Variants in PTPN13 observed in about 807,000 individuals in gnomAD.
The protein encoded by PTPN13 is protein tyrosine phosphatase non-receptor type 13, also known as tyrosine-protein phosphatase non-receptor type 13.
In PTPN13, 191 loss-of-function variants were observed where a neutral mutation model predicts 284.0. The observed-to-expected ratio is 0.67, with a 90% CI of 0.60 to 0.76. The LOEUF (loss-of-function observed/expected upper bound fraction) is 0.76. Ranked by LOEUF, PTPN13 falls within the 30% of genes least tolerant of loss-of-function variation. The probability of loss-of-function intolerance (pLI) is 0.00; values close to 1 mark genes in which losing one functional copy is unlikely to be tolerated. For missense variants in PTPN13, 2,797 were observed against 2,939.9 expected, an observed-to-expected ratio of 0.95 and a Z score of 1.12; for synonymous variants, 986 against 1,022.3, an observed-to-expected ratio of 0.96 and a Z score of 0.68.
At chr4:86,595,580 C>A in intron 1 of PTPN13, 1 of 165,340 alleles carries the variant, frequency 6.0e-6, no homozygotes, top group Non-Finnish European at 1.3e-5. Context: ...CGTATATGAT[C>A]GACACCACCG....
chr4:86,652,540 G>A (rs1034704022), intron 2 of PTPN13, among the ~76,000 whole-genome samples: 3 of 152,114 alleles, frequency 2.0e-5, no homozygotes, highest in Non-Finnish European at 4.4e-5. Context: ...AATATTCTAG[G>A]TTGGAACAGT....
At chr4:86,723,283 TGGTCACAGCAGGA>T (rs1259816895) in intron 10 of PTPN13, among the ~76,000 whole-genome samples, 1 of 152,214 alleles carries the variant, frequency 6.6e-6, no homozygotes, top group East Asian at 1.9e-4. Flanking sequence ...GTCCATGGCC[TGGTCACAGCAGGA>T]GGTGAGCAAG....
chr4:86,707,744 G>T (rs1050488222), intron 7 of PTPN13, among the ~76,000 whole-genome samples: 1 of 151,980 alleles, frequency 6.6e-6, no homozygotes, highest in African/African-American at 2.4e-5. Flanking sequence ...GTTACTCCGT[G>T]AGCTAAAATA....
At chr4:86,751,435 C>T (rs947592943) in intron 19 of PTPN13, among the ~76,000 whole-genome samples, 1 of 152,184 alleles carries the variant, frequency 6.6e-6, no homozygotes, top group Non-Finnish European at 1.5e-5. Flanking sequence ...GATCCCCCCA[C>T]CTCAGCCTCC....
At chr4:86,637,059 A>G (rs1723108328) in intron 2 of PTPN13, among the ~76,000 whole-genome samples, 1 of 152,210 alleles carries the variant, frequency 6.6e-6, no homozygotes, top group South Asian at 2.1e-4. Flanking sequence ...ACCTCTACGC[A>G]AATAAACTAG....
intron 15 of PTPN13, among the ~76,000 whole-genome samples, chr4:86,737,544 C>T (rs1344810614): frequency 6.6e-6 from 1 of 152,012 alleles, no homozygotes; most frequent in Non-Finnish European, 1.5e-5. Context: ...TTACCAACTC[C>T]TGATACAGCA....
intron 23 of PTPN13, among the ~76,000 whole-genome samples, chr4:86,761,122 A>ATGTG (rs1169228191): frequency 2.4e-5 from 3 of 125,578 alleles, no homozygotes; most frequent in African/African-American, 8.9e-5. Context: ...TATATATGTG[A>ATGTG]TGTGTGTGTG....
intron 1 of PTPN13, among the ~76,000 whole-genome samples, chr4:86,618,609 G>A (rs1720863749): frequency 6.6e-6 from 1 of 152,164 alleles, no homozygotes; most frequent in South Asian, 2.1e-4. Context: ...TCATTGGGCA[G>A]TGGTTTGTAG....
At position 86,809,793 on chromosome 4, in the gene PTPN13, C is replaced by T. The variant is rs771862752; in HGVS notation, c.7108C>T (p.His2370Tyr). The change falls in exon 46 of 48, where the codon CAT becomes TAT. Residue 2370 changes from histidine to tyrosine, a missense_variant. Physicochemically the swap from His to Tyr is moderately conservative, Grantham distance 83. Coordinates refer to ENST00000411767, the MANE Select transcript of PTPN13 (RefSeq NM_080683.3). Reference protein sequence around the residue: ...IQTREVRHISHLNFTAWPDHD... With the variant: ...IQTREVRHISYLNFTAWPDHD... ...GACCAGAGAGGTGCGCCATATTTCT[C>T]ATCTGAATTTCACTGCCTGGCCAGA... 1 of 1,614,046 alleles carries T rather than the reference C, an allele frequency of 6.2e-7. No homozygotes were observed. The highest frequency in any genetic ancestry group is 8.5e-7 in the Non-Finnish European group (1 of 1,179,888).
chr4:86,603,278 C>T (rs114943730), intron 1 of PTPN13, among the ~76,000 whole-genome samples: 7,064 of 151,902 alleles, frequency 0.047, 221 homozygotes, highest in African/African-American at 0.06. Flanking sequence ...ATAACTTGTC[C>T]TTGTTTACCC....
At chr4:86,597,641 T>C (rs1763934605) in intron 1 of PTPN13, among the ~76,000 whole-genome samples, 1 of 152,222 alleles carries the variant, frequency 6.6e-6, no homozygotes, top group Non-Finnish European at 1.5e-5. Context: ...TTAAGACCCT[T>C]ATTCTTGTTT....
chr4:86,716,122 A>G (rs1732985061), intron 7 of PTPN13, among the ~76,000 whole-genome samples: 1 of 152,226 alleles, frequency 6.6e-6, no homozygotes. Flanking sequence ...CACATAGTAA[A>G]CATTGAAAAA....
intron 10 of PTPN13, among the ~76,000 whole-genome samples, chr4:86,729,497 C>T (rs534084015): frequency 6.7e-6 from 1 of 149,708 alleles, no homozygotes; most frequent in East Asian, 1.9e-4. Flanking sequence ...TAGATTTGGT[C>T]TTTTCACATA....
chr4:86,600,979 G>A (rs1231387738), intron 1 of PTPN13, among the ~76,000 whole-genome samples: 1 of 151,952 alleles, frequency 6.6e-6, no homozygotes, highest in Non-Finnish European at 1.5e-5. Flanking sequence ...GTAATTTCAT[G>A]AAATTATTTG....
intron 10 of PTPN13, among the ~76,000 whole-genome samples, chr4:86,723,720 G>A (rs2149095509): frequency 6.6e-6 from 1 of 152,102 alleles, no homozygotes; most frequent in South Asian, 2.1e-4. Flanking sequence ...TATGTATTCT[G>A]GATATTATCA....
intron 7 of PTPN13, among the ~76,000 whole-genome samples, chr4:86,715,701 A>G (rs886266412): frequency 1.3e-5 from 2 of 152,232 alleles, no homozygotes; most frequent in Non-Finnish European, 2.9e-5. Flanking sequence ...AAGGATTTTA[A>G]GAAATATAAT....
At chr4:86,744,660 C>T (rs1259784942) in intron 16 of PTPN13, among the ~76,000 whole-genome samples, 2 of 152,134 alleles carry the variant, frequency 1.3e-5, no homozygotes, top group East Asian at 1.9e-4. Flanking sequence ...CAATTGCCTA[C>T]AGTATTTAGT....
At chr4:86,712,688 T>C (rs1377065397) in intron 7 of PTPN13, among the ~76,000 whole-genome samples, 4 of 152,096 alleles carry the variant, frequency 2.6e-5, no homozygotes, top group Non-Finnish European at 4.4e-5. Context: ...TATAAAGCAG[T>C]AAAGTATCAT....
intron 7 of PTPN13, among the ~76,000 whole-genome samples, chr4:86,713,171 A>G (rs1732630145): frequency 6.6e-6 from 1 of 152,112 alleles, no homozygotes; most frequent in Non-Finnish European, 1.5e-5. Flanking sequence ...TATTAAAACC[A>G]TACTGCCTGT....
Sources: gnomAD v4.1 joint callset for allele counts (sites outside exome capture counted in the v4.1 genomes callset) on GRCh38, gnomAD v4.1.1 for gene constraint, MANE v1.5 for transcripts, NCBI Gene and HGNC (gene_info 2026-07-23, HGNC 2026-07-21) for gene names.